ITGB8: variants seen among roughly 807,000 people sequenced by gnomAD.
ITGB8 encodes integrin subunit beta 8, also known as integrin beta-8.
Under a neutral mutation model 89.5 loss-of-function variants are expected in ITGB8, and 30 were observed. That is an observed-to-expected ratio of 0.34 (90% confidence interval 0.25 to 0.45). The LOEUF is 0.45. Among genes scored for constraint, ITGB8 ranks in the 20% least tolerant of loss-of-function variants. The pLI is 1.00. For synonymous variants in ITGB8, 335 were observed against 320.4 expected (o/e 1.05, Z -0.49); for missense variants, 836 against 933.3 (o/e 0.90, Z 1.36).
chr7:20,361,722 A>G (rs184001628), intron 1 of ITGB8, among the ~76,000 whole-genome samples: 4 of 152,340 alleles, frequency 2.6e-5, no homozygotes, highest in African/African-American at 9.6e-5. Flanking sequence ...CAAAACTAAA[A>G]AGGTCACTCA....
chr7:20,359,331 T>C (rs1785413381), intron 1 of ITGB8, among the ~76,000 whole-genome samples: 1 of 152,232 alleles, frequency 6.6e-6, no homozygotes. Context: ...CTTATTAAAA[T>C]GCAGTGTTCG....
intron 1 of ITGB8, among the ~76,000 whole-genome samples, chr7:20,355,491 C>A (rs1468658981): frequency 6.6e-6 from 1 of 152,206 alleles, no homozygotes. Context: ...CTACCTCCTT[C>A]TCTTCCAAAT....
chr7:20,364,609 G>C (rs186593137), intron 2 of ITGB8: 1 of 152,202 alleles, frequency 6.6e-6, no homozygotes, highest in African/African-American at 2.4e-5. Flanking sequence ...AGGCTTCCCA[G>C]ATGGACTCTG....
intron 11 of ITGB8, among the ~76,000 whole-genome samples, chr7:20,405,298 G>C (rs1787487730): frequency 6.6e-6 from 1 of 150,624 alleles, no homozygotes; most frequent in African/African-American, 2.4e-5. Context: ...AGCTGTTACT[G>C]CTATGTTTTA....
At chr7:20,339,128 G>T (rs1784669201) in intron 1 of ITGB8, among the ~76,000 whole-genome samples, 1 of 151,446 alleles carries the variant, frequency 6.6e-6, no homozygotes, top group Non-Finnish European at 1.5e-5. Flanking sequence ...TGAGATGGAG[G>T]TTGCAGTGAG....
At chr7:20,349,648 A>T (rs1050373865) in intron 1 of ITGB8, among the ~76,000 whole-genome samples, 1 of 152,220 alleles carries the variant, frequency 6.6e-6, no homozygotes, top group Non-Finnish European at 1.5e-5. Flanking sequence ...CCGTATAGGG[A>T]TAAACAACTT....
chr7:20,353,034 G>A (rs1450555718), intron 1 of ITGB8: 4 of 152,150 alleles, frequency 2.6e-5, no homozygotes, highest in Non-Finnish European at 5.9e-5. Flanking sequence ...TGTCATTAGT[G>A]GCTTCACAAT....
At chr7:20,370,599 A>T (rs9791973) in intron 3 of ITGB8, among the ~76,000 whole-genome samples, 11,252 of 131,618 alleles carry the variant, frequency 0.085, 583 homozygotes, top group East Asian at 0.2. Context: ...TTATTTACTT[A>T]TTTATTATTA....
chr7:20,342,200 T>C (rs1276443194), intron 1 of ITGB8, among the ~76,000 whole-genome samples: 3 of 152,168 alleles, frequency 2.0e-5, no homozygotes, highest in African/African-American at 7.2e-5. Flanking sequence ...GGCCTCCAAG[T>C]TGTATAATAT....
chr7:20,344,583 G>A (rs1384431856), intron 1 of ITGB8, among the ~76,000 whole-genome samples: 3 of 152,184 alleles, frequency 2.0e-5, no homozygotes, highest in Admixed American at 2.0e-4. Flanking sequence ...CATCACAATG[G>A]TGAAATTCAG....
chr7:20,362,440 T>C (rs2127941892), intron 1 of ITGB8, among the ~76,000 whole-genome samples: 1 of 152,336 alleles, frequency 6.6e-6, no homozygotes, highest in Middle Eastern at 3.4e-3. Flanking sequence ...GAAAACGAGA[T>C]GGCAAAGAGA....
At chr7:20,398,354 T>G (rs1787172939) in intron 8 of ITGB8, among the ~76,000 whole-genome samples, 3 of 152,234 alleles carry the variant, frequency 2.0e-5, no homozygotes, top group African/African-American at 7.2e-5. Context: ...CTCCCTAAAA[T>G]GTACTTGTCA....
chr7:20,344,800 G>A (rs531985525), intron 1 of ITGB8, among the ~76,000 whole-genome samples: 2 of 152,320 alleles, frequency 1.3e-5, no homozygotes, highest in African/African-American at 2.4e-5. Context: ...GAGCACATAC[G>A]ATGTTTTGGG....
At chr7:20,344,375 C>G (rs1335681666) in intron 1 of ITGB8, among the ~76,000 whole-genome samples, 1 of 152,062 alleles carries the variant, frequency 6.6e-6, no homozygotes, top group Admixed American at 6.6e-5. Context: ...ACATATGGTC[C>G]ACCTTTTCTA....
intron 1 of ITGB8, among the ~76,000 whole-genome samples, chr7:20,336,607 A>T (rs1345952804): frequency 6.6e-6 from 1 of 152,218 alleles, no homozygotes; most frequent in Non-Finnish European, 1.5e-5. Context: ...GAAAGCTTGA[A>T]TTATGCTTCA....
intron 3 of ITGB8, among the ~76,000 whole-genome samples, chr7:20,377,168 G>A (rs1439097498): frequency 6.6e-6 from 1 of 152,204 alleles, no homozygotes; most frequent in East Asian, 1.9e-4. Context: ...CTATACCTTT[G>A]CTGGGTCCCT....
At chr7:20,342,285 C>T (rs1300675181) in intron 1 of ITGB8, among the ~76,000 whole-genome samples, 2 of 152,180 alleles carry the variant, frequency 1.3e-5, no homozygotes, top group East Asian at 3.8e-4. Flanking sequence ...TCTGTATTGA[C>T]AATCTAGGAA....
chr7:20,378,792 C>T (rs1187113109), intron 3 of ITGB8, among the ~76,000 whole-genome samples: 1 of 151,856 alleles, frequency 6.6e-6, no homozygotes, highest in Non-Finnish European at 1.5e-5. Flanking sequence ...TGTTATTATC[C>T]CTATTCAGCC....
At chr7:20,341,511 T>G (rs1489480637) in intron 1 of ITGB8, among the ~76,000 whole-genome samples, 1 of 152,222 alleles carries the variant, frequency 6.6e-6, no homozygotes, top group Non-Finnish European at 1.5e-5. Flanking sequence ...ATGGCATTAC[T>G]ACCAGTCTTT....
Sources: gnomAD v4.1 joint callset for allele counts (sites outside exome capture counted in the v4.1 genomes callset) on GRCh38, gnomAD v4.1.1 for gene constraint, MANE v1.5 for transcripts, NCBI Gene and HGNC (gene_info 2026-07-23, HGNC 2026-07-21) for gene names.